The following AGGF1 variants were observed in gnomAD, a reference collection of about 807,000 sequenced individuals.
The protein encoded by AGGF1 is angiogenic factor with G patch and FHA domains 1.
Under a neutral mutation model 86.5 loss-of-function variants are expected in AGGF1, and 56 were observed. That is an observed-to-expected ratio of 0.65 (90% CI 0.52 to 0.81). The LOEUF (loss-of-function observed/expected upper bound fraction) is 0.81. Among genes scored for constraint, AGGF1 ranks in the 30% least tolerant of loss-of-function variants. The probability of loss-of-function intolerance (pLI) is 0.00; values close to 1 mark genes in which losing one functional copy is unlikely to be tolerated. For missense variants in AGGF1, 816 were observed against 850.9 expected, an observed-to-expected ratio of 0.96 and a Z score of 0.51; for synonymous variants, 313 against 297.1, an observed-to-expected ratio of 1.05 and a Z score of -0.55.
At chr5:77,042,623 C>T (rs865797729) in intron 5 of AGGF1, among the ~76,000 whole-genome samples, 3,514 of 42,288 alleles carry the variant, frequency 0.083, 992 homozygotes, top group South Asian at 0.33. Flanking sequence ...GGCGGCTGGC[C>T]GGGCGGGGGG....
rs542447774 is a variant in AGGF1 at position 77,061,541 on chromosome 5, T to G, written c.1845-162T>G. 2.0e-5 allele frequency among the ~76,000 whole-genome samples: 3 copies of G among 152,352 alleles called. No individual in the cohort carries two copies. The South Asian group carries it at 6.2e-4, about 32-fold the overall frequency. On this transcript the variant is annotated intron_variant, in intron 12 of 13. Coordinates refer to ENST00000312916, the MANE Select transcript of AGGF1 (RefSeq NM_018046.5). The stretch of plus-strand genomic sequence containing the variant: ...GTGCACATGCACATGCTTTTCTAAG[T>G]AGGATATGTACCAGTGGAATTTGTG...
chr5:77,043,923 G>A (rs1054796873), intron 5 of AGGF1, among the ~76,000 whole-genome samples: 2 of 139,646 alleles, frequency 1.4e-5, no homozygotes, highest in East Asian at 2.2e-4. Flanking sequence ...GGGCAGAGGC[G>A]CTCCTCACAT....
chr5:77,036,870 T>C, intron 4 of AGGF1, 150 bp downstream of exon 4: 1 of 879,978 alleles, frequency 1.1e-6, no homozygotes, highest in South Asian at 1.5e-5. Flanking sequence ...CCCAAGTAGC[T>C]GGGATTACAG....
rs754367920 is a variant in AGGF1, at chr5:77,030,782, C to G, written c.16C>G (p.Pro6Ala). 3 of 1,581,754 alleles carry G rather than the reference C, an allele frequency of 1.9e-6. No homozygotes were observed. Among genetic ancestry groups the G allele is most frequent in the South Asian group, 1.1e-5 (1 of 88,946 alleles). MASEA[P>A]SPPRSPPPPT... ...GCCGGAGCTCATGGCCTCGGAGGCG[C>G]CGTCCCCGCCGCGGTCGCCGCCGCC... Residue 6 changes from proline to alanine, a missense_variant, in exon 1 of 14, where the codon CCG becomes GCG. By Grantham distance (27) the Pro-to-Ala change is conservative (BLOSUM62 -1). Around this residue, in one of 3 missense-constraint regions of AGGF1, gnomAD observed 240 missense variants for 234.4 expected, o/e 1.02. Transcript: ENST00000312916.
Position 77,059,711 on chromosome 5 carries a change from C to T in AGGF1, c.1812C>T (p.Phe604=), listed in dbSNP as rs768582670. The change falls in exon 12 of 14, where the codon TTC becomes TTT. Residue 604 remains phenylalanine (F), a synonymous_variant. Coordinates refer to ENST00000312916, the MANE Select transcript of AGGF1 (RefSeq NM_018046.5). The part of the protein sequence containing the change: ...RREQVGSEGT[F]QRDDAPASVH... ...AGCAGGTTGGAAGTGAAGGAACTTT[C>T]CAAAGAGATGATGCTCCTGCATCTG... 2.4e-5 allele frequency: 38 copies of T among 1,613,802 alleles called. No homozygotes were observed. The highest frequency in any genetic ancestry group is 3.1e-5 in the Non-Finnish European group (37 of 1,179,774).
intron 10 of AGGF1, among the ~76,000 whole-genome samples, chr5:77,055,228 C>G (rs1580135118): frequency 1.3e-5 from 2 of 152,190 alleles, no homozygotes; most frequent in African/African-American, 4.8e-5. Context: ...ATTTGAGATT[C>G]TATTACAATA....
intron 4 of AGGF1, 28 bp downstream of exon 4, chr5:77,036,748 T>C (rs768134084): frequency 6.2e-7 from 1 of 1,610,434 alleles, no homozygotes; most frequent in South Asian, 1.1e-5. Flanking sequence ...TTTTGTTTTG[T>C]TTTGTTTTTG....
Position 77,063,396 on chromosome 5 carries a change from C to G in AGGF1, c.*144C>G, listed in dbSNP as rs907919022. 1 of 897,012 alleles carries G rather than the reference C, an allele frequency of 1.1e-6. No homozygotes were observed. Among genetic ancestry groups the G allele is most frequent in the African/African-American group, 1.7e-5 (1 of 58,710 alleles). The allele number at this position is 897,012 out of a possible 1,614,324, so 55.6% of individuals were successfully genotyped here. Reference sequence around the variant, plus strand: ...ATTCAGAAATGTGTATGGTTTGCAGCTTTTAAAAACCATTTTTTTAAAACT... The same window carrying G: ...ATTCAGAAATGTGTATGGTTTGCAGGTTTTAAAAACCATTTTTTTAAAACT... On this transcript the variant is annotated 3_prime_UTR_variant, in exon 14 of 14. Coordinates refer to ENST00000312916, the MANE Select transcript of AGGF1 (RefSeq NM_018046.5).
chr5:77,030,779 GCGCCGTCCCCGCCGCGGTCGCCGC>G lies in AGGF1; in HGVS notation c.19_42del (p.Ser7_Pro14del), dbSNP rs1746828539. ...CGCGCCGGAGCTCATGGCCTCGGAG[GCGCCGTCCCCGCCGCGGTCGCCGC>G]CGCCGCCCACCTCCCCCGAGCCTGA... On this transcript the variant is annotated inframe_deletion, in exon 1 of 14. Transcript: ENST00000312916. 1 of 1,578,934 alleles carries G rather than the reference GCGCCGTCCCCGCCGCGGTCGCCGC, an allele frequency of 6.3e-7. No individual in the cohort carries two copies.
At chr5:77,057,220 T>G (rs1019528638) in intron 11 of AGGF1, among the ~76,000 whole-genome samples, 9 of 152,226 alleles carry the variant, frequency 5.9e-5, no homozygotes, top group African/African-American at 1.9e-4. Context: ...TACACCTATT[T>G]TACAAGTTAG....
chr5:77,050,306 C>CTTTTTTTTTTTTTTTT lies in AGGF1; in HGVS notation c.1365+1333_1365+1348dup, dbSNP rs10595061. Among the ~76,000 whole-genome samples, 11 of 76,562 alleles carry CTTTTTTTTTTTTTTTT rather than the reference C, an allele frequency of 1.4e-4. No homozygotes were observed. The South Asian group carries it at 1.9e-3, about 13-fold the overall frequency. 50.2% of individuals were successfully genotyped at this position (76,562 alleles called of 152,430 possible). A position where few individuals can be genotyped will look rare whatever the true frequency, so the allele number is the denominator to read the frequency against. On this transcript the variant is annotated intron_variant, in intron 8 of 13. Coordinates refer to ENST00000312916, the MANE Select transcript of AGGF1 (RefSeq NM_018046.5). The stretch of plus-strand genomic sequence containing the variant: ...GGTGGCTTTTTCTTTTTCTTTGTTT[C>CTTTTTTTTTTTTTTTT]TTTTTTTTTTTTTTTTTTTTTTTTT...
chr5:77,044,301 G>A (rs903647624), intron 5 of AGGF1, among the ~76,000 whole-genome samples: 1 of 152,154 alleles, frequency 6.6e-6, no homozygotes, highest in African/African-American at 2.4e-5. Context: ...TTGAGCACTC[G>A]ACAAGAACTT....
intron 11 of AGGF1, among the ~76,000 whole-genome samples, chr5:77,057,994 G>C (rs1747489413): frequency 6.6e-6 from 1 of 152,184 alleles, no homozygotes. Context: ...AATGTATTGT[G>C]ACAGAAGGAA....
chr5:77,047,793 T>C (rs1201689727), intron 6 of AGGF1, among the ~76,000 whole-genome samples: 1 of 150,730 alleles, frequency 6.6e-6, no homozygotes, highest in Non-Finnish European at 1.5e-5. Flanking sequence ...GCTGGGATTA[T>C]AGGTGTGGAC....
At position 77,064,841 on chromosome 5, in the gene AGGF1, G is replaced by GT. The variant is rs2150736991; in HGVS notation, c.*1590dup. ...CTGGTGAATCTTGGTCATTGGGTTA[G>GT]TATATGACTGTCTATAATATTTTCC... On this transcript the variant is annotated 3_prime_UTR_variant, in exon 14 of 14. Coordinates refer to ENST00000312916, the MANE Select transcript of AGGF1 (RefSeq NM_018046.5). 1 of 152,272 alleles carries GT rather than the reference G, an allele frequency of 6.6e-6. No homozygotes were observed. Among genetic ancestry groups the GT allele is most frequent in the South Asian group, 2.1e-4 (1 of 4,828 alleles). 9.4% of individuals were successfully genotyped at this position (152,272 alleles called of 1,614,324 possible). A position where few individuals can be genotyped will look rare whatever the true frequency, so the allele number is the denominator to read the frequency against.
At chr5:77,039,491 C>A in intron 4 of AGGF1, 40 bp from the exon 5 acceptor site, 1 of 1,510,622 alleles carries the variant, frequency 6.6e-7, no homozygotes, top group South Asian at 1.2e-5. Flanking sequence ...TTTATTTTAT[C>A]TTACATGAAT....
At position 77,064,260 on chromosome 5, in the gene AGGF1, C is replaced by G. The variant is rs923872930; in HGVS notation, c.*1008C>G. On this transcript the variant is annotated 3_prime_UTR_variant, in exon 14 of 14. Coordinates refer to ENST00000312916, the MANE Select transcript of AGGF1 (RefSeq NM_018046.5). ...GGCACAGGTGTCACTGCTCTGCCAC[C>G]TATCACTATTCTTTTTCTGTTCAGT... is the stretch of plus-strand genomic sequence containing the variant. The G allele has an allele frequency of 6.6e-6, 1 of 152,478 alleles. No individual in the cohort carries two copies. The highest frequency in any genetic ancestry group is 2.4e-5 in the African/African-American group (1 of 41,446). 9.4% of individuals were successfully genotyped at this position (152,478 alleles called of 1,614,324 possible).
intron 1 of AGGF1, among the ~76,000 whole-genome samples, chr5:77,034,081 G>T (rs1746919232): frequency 6.6e-6 from 1 of 152,172 alleles, no homozygotes; most frequent in African/African-American, 2.4e-5. Flanking sequence ...GTAGGGATGA[G>T]AATTTGTAAA....
At chr5:77,052,667 A>G (rs1747393982) in intron 8 of AGGF1, 39 bp from the exon 9 acceptor site, 6 of 1,449,812 alleles carry the variant, frequency 4.1e-6, no homozygotes, top group Non-Finnish European at 4.8e-6. Context: ...AGTTTTGAAA[A>G]GTATAATAAT....
Sources: gnomAD v4.1 joint callset for allele counts (sites outside exome capture counted in the v4.1 genomes callset) on GRCh38, gnomAD v4.1.1 for gene constraint, gnomAD v4.1.1 regional missense constraint, MANE v1.5 for transcripts, NCBI Gene and HGNC (gene_info 2026-07-23, HGNC 2026-07-21) for gene names.